Variants in SLIT3 observed in about 807,000 individuals in gnomAD.
The protein encoded by SLIT3 is slit homolog 3 protein.
A neutral mutation model predicts 184.0 loss-of-function variants in SLIT3; 68 were observed. The ratio of observed to expected loss-of-function variants is 0.37; its 90% CI spans 0.30 to 0.45. SLIT3 has a LOEUF of 0.45. SLIT3 is among the 20% of genes least tolerant of loss of function. The pLI, the probability that SLIT3 is intolerant of heterozygous loss-of-function variation, is 1.00. For missense variants in SLIT3, 1,707 were observed against 2,026.0 expected (o/e 0.84, Z 3.02); for synonymous variants, 831 against 828.6 (o/e 1.00, Z -0.05).
intron 4 of SLIT3, among the ~76,000 whole-genome samples, chr5:169,044,869 G>A (rs1757574541): frequency 6.6e-6 from 1 of 152,132 alleles, no homozygotes; most frequent in South Asian, 2.1e-4. Flanking sequence ...TCTGTTTCTG[G>A]GCCTGGAGAA....
At chr5:169,025,401 A>G (rs1431559438) in intron 4 of SLIT3, among the ~76,000 whole-genome samples, 1 of 152,230 alleles carries the variant, frequency 6.6e-6, no homozygotes, top group African/African-American at 2.4e-5. Flanking sequence ...GTGATGTGCC[A>G]GAAACCAAAT....
At chr5:169,217,869 A>G (rs1764498300) in intron 3 of SLIT3, among the ~76,000 whole-genome samples, 2 of 152,246 alleles carry the variant, frequency 1.3e-5, no homozygotes, top group African/African-American at 4.8e-5. Context: ...TGAAACACAC[A>G]GAACAGAGAT....
At position 169,093,908 on chromosome 5, in the gene SLIT3, A is replaced by G. The variant is rs114283046; in HGVS notation, c.413+99571T>C. On this transcript the variant is annotated intron_variant, in intron 4 of 35. Transcript: ENST00000519560. ...TTATTTCTTAAAAAGTACTAAGAAT[A>G]GAAGTAATATCTAAATAGAAGTAAT... Among the ~76,000 whole-genome samples, 1,042 of 152,342 alleles carry G rather than the reference A, an allele frequency of 6.8e-3. 8 individuals carry two copies. The highest frequency in any genetic ancestry group is 0.023 in the African/African-American group (970 of 41,568).
chr5:169,084,730 A>G (rs1412855379), intron 4 of SLIT3, among the ~76,000 whole-genome samples: 1 of 152,182 alleles, frequency 6.6e-6, no homozygotes, highest in Admixed American at 6.5e-5. Context: ...CTTGGTCCTG[A>G]GCAGAGCAGA....
At chr5:169,057,748 TG>T (rs1270366315) in intron 4 of SLIT3, among the ~76,000 whole-genome samples, 1 of 152,132 alleles carries the variant, frequency 6.6e-6, no homozygotes, top group East Asian at 1.9e-4. Context: ...TGAGAAAGGA[TG>T]CACCAGCACA....
intron 4 of SLIT3, among the ~76,000 whole-genome samples, chr5:169,050,791 A>G (rs1757790000): frequency 6.6e-6 from 1 of 152,084 alleles, no homozygotes; most frequent in African/African-American, 2.4e-5. Context: ...ACATGGAAAG[A>G]CGCCATAGGT....
chr5:168,952,550 A>AAAAAAAAAAAAAAAAAG (rs59047961), intron 4 of SLIT3, among the ~76,000 whole-genome samples: 3 of 128,004 alleles, frequency 2.3e-5, no homozygotes, highest in African/African-American at 1.0e-4. Context: ...AAAAAAAAAG[A>AAAAAAAAAAAAAAAAAG]GGGGAGAAGG....
At chr5:169,225,279 A>G (rs1469025) in intron 3 of SLIT3, among the ~76,000 whole-genome samples, 8 of 152,200 alleles carry the variant, frequency 5.3e-5, no homozygotes, top group Non-Finnish European at 1.2e-4. Context: ...TACCACTCCC[A>G]CTGCAAGTGG....
intron 32 of SLIT3, 93 bp downstream of exon 32, chr5:168,683,873 G>T: frequency 1.6e-6 from 2 of 1,224,156 alleles, no homozygotes; most frequent in Non-Finnish European, 1.1e-6. Context: ...AGGGACACCC[G>T]AGTTCTCCTG....
At chr5:168,969,167 G>C (rs1314823724) in intron 4 of SLIT3, among the ~76,000 whole-genome samples, 1 of 152,154 alleles carries the variant, frequency 6.6e-6, no homozygotes, top group African/African-American at 2.4e-5. Flanking sequence ...TAAAATGAAA[G>C]AACTGTTGGG....
chr5:169,275,215 G>T (rs1357847002), intron 1 of SLIT3, among the ~76,000 whole-genome samples: 1 of 152,192 alleles, frequency 6.6e-6, no homozygotes. Context: ...CTGAACACAT[G>T]AACCCTGGGA....
At chr5:168,991,961 T>A (rs1755346809) in intron 4 of SLIT3, among the ~76,000 whole-genome samples, 1 of 152,244 alleles carries the variant, frequency 6.6e-6, no homozygotes, top group South Asian at 2.1e-4. Context: ...CAGGCACTGA[T>A]TTTTTAATTT....
intron 11 of SLIT3, among the ~76,000 whole-genome samples, chr5:168,786,556 C>T (rs1581081384): frequency 6.6e-6 from 1 of 152,138 alleles, no homozygotes; most frequent in African/African-American, 2.4e-5. Flanking sequence ...GTAATGGCAG[C>T]TTTTACTTTC....
chr5:168,675,750 T>C (rs1761387353), intron 32 of SLIT3, among the ~76,000 whole-genome samples: 1 of 152,116 alleles, frequency 6.6e-6, no homozygotes, highest in African/African-American at 2.4e-5. Flanking sequence ...ACTGGGAAAA[T>C]GTGAGCAGTT....
intron 4 of SLIT3, among the ~76,000 whole-genome samples, chr5:169,002,322 CAAAA>C (rs397999882): frequency 8.3e-5 from 2 of 24,198 alleles, no homozygotes; most frequent in African/African-American, 1.4e-4. Flanking sequence ...GACTCTGTCT[CAAAA>C]AAAAAAAAAA....
intron 4 of SLIT3, among the ~76,000 whole-genome samples, chr5:168,963,741 C>A (rs1763092018): frequency 6.6e-6 from 1 of 152,178 alleles, no homozygotes; most frequent in Non-Finnish European, 1.5e-5. Context: ...CTTGCAAATG[C>A]CAGGTTGGAA....
intron 1 of SLIT3, among the ~76,000 whole-genome samples, chr5:169,252,339 T>G (rs1212229721): frequency 6.6e-6 from 1 of 152,208 alleles, no homozygotes; most frequent in Non-Finnish European, 1.5e-5. Flanking sequence ...ATTTATAGGC[T>G]TAAGCTCCTG....
chr5:169,148,071 C>G (rs1761988395), intron 4 of SLIT3, among the ~76,000 whole-genome samples: 1 of 152,136 alleles, frequency 6.6e-6, no homozygotes, highest in Non-Finnish European at 1.5e-5. Context: ...GGAAGTCAGC[C>G]ATCATATCTC....
intron 5 of SLIT3, among the ~76,000 whole-genome samples, chr5:168,881,676 T>G (rs1759958265): frequency 6.6e-6 from 1 of 152,202 alleles, no homozygotes; most frequent in Non-Finnish European, 1.5e-5. Context: ...GTTCTTGGAA[T>G]GCATGGAACG....
Sources: gnomAD v4.1 joint callset for allele counts (sites outside exome capture counted in the v4.1 genomes callset) on GRCh38, gnomAD v4.1.1 for gene constraint, MANE v1.5 for transcripts, NCBI Gene and HGNC (gene_info 2026-07-23, HGNC 2026-07-21) for gene names.